MCM4: variants seen among roughly 807,000 people sequenced by gnomAD.
MCM4 encodes DNA replication licensing factor MCM4.
A neutral mutation model predicts 88.7 loss-of-function variants in MCM4; 60 were observed. That is an observed-to-expected ratio of 0.68 (90% CI 0.55 to 0.84). The LOEUF (loss-of-function observed/expected upper bound fraction) is 0.84, where lower values mean the gene tolerates loss of function less well. Ranked by LOEUF, MCM4 falls within the 40% of genes least tolerant of loss-of-function variation. The pLI is 0.00. For missense variants in MCM4, 1,149 were observed against 1,105.5 expected, an observed-to-expected ratio of 1.04 and a Z score of -0.56; for synonymous variants, 465 against 410.5, an observed-to-expected ratio of 1.13 and a Z score of -1.61.
chr8:47,966,352 C>T lies in MCM4; in HGVS notation c.998C>T (p.Thr333Ile). Reference protein sequence around the residue: ...AEPSVCGRCHTTHSMALIHNR... With the variant: ...AEPSVCGRCHITHSMALIHNR... The stretch of plus-strand genomic sequence containing the variant: ...CCCAGTGTGTGCGGGCGCTGCCACA[C>T]CACCCACAGCATGGCACTCATCCAC... Residue 333 changes from threonine to isoleucine, a missense_variant, in exon 9 of 17, where the codon ACC (threonine) becomes ATC (isoleucine). Coordinates refer to ENST00000649973, the MANE Select transcript of MCM4 (RefSeq NM_182746.3). 1 of 1,613,950 alleles carries T rather than the reference C, an allele frequency of 6.2e-7. No individual in the cohort carries two copies. The highest frequency in any genetic ancestry group is 8.5e-7 in the Non-Finnish European group (1 of 1,180,004).
At chr8:47,976,302 A>AG (rs2090999952) in intron 16 of MCM4, among the ~76,000 whole-genome samples, 1 of 152,022 alleles carries the variant, frequency 6.6e-6, no homozygotes, top group South Asian at 2.1e-4. Flanking sequence ...CAAAAAAAAA[A>AG]AAAAAGAAAA....
Position 47,975,806 on chromosome 8 carries a change from A to G in MCM4, c.2457A>G (p.Lys819=). 6.3e-7 allele frequency: 1 copy of G among 1,586,662 alleles called. No homozygotes were observed. The highest frequency in any genetic ancestry group is 8.5e-7 in the Non-Finnish European group (1 of 1,170,138). ...ILSKGKTPAL[K]YQQLFEDIRG... ...CTAAGGGCAAAACACCAGCTCTAAAATACCAGCAACTTTTTGAAGATATTC... is the reference window on the plus strand; with the variant it reads ...CTAAGGGCAAAACACCAGCTCTAAAGTACCAGCAACTTTTTGAAGATATTC... Residue 819 remains lysine (K), a synonymous_variant, in exon 16 of 17, where the codon AAA becomes AAG. Coordinates refer to ENST00000649973, the MANE Select transcript of MCM4 (RefSeq NM_182746.3).
rs1020610322 is a variant in MCM4, at chr8:47,971,358, G to C, written c.1818G>C (p.Gln606His). ...TCTGATAGGCTGGGATCATCTGTCA[G>C]CTCAATGCGCGCACCTCTGTCCTGG... The part of the protein sequence containing the change: ...LSIAKAGIIC[Q>H]LNARTSVLAA... The change falls in exon 13 of 17, where the codon CAG becomes CAC. Residue 606 changes from glutamine (Q) to histidine (H), a missense_variant. This residue lies in a region of MCM4 where 906 missense variants were observed against 843.0 expected (regional missense o/e 1.07). Transcript: ENST00000649973. The C allele has an allele frequency of 1.2e-6, 2 of 1,614,002 alleles. No homozygotes were observed. The highest frequency in any genetic ancestry group is 2.2e-5 in the South Asian group (2 of 91,084).
chr8:47,976,016 G>A (rs1284897755), intron 16 of MCM4, among the ~76,000 whole-genome samples, 168 bp downstream of exon 16: 1 of 152,074 alleles, frequency 6.6e-6, no homozygotes, highest in South Asian at 2.1e-4. Context: ...AAAATTTTTG[G>A]CTGGGTGCAG....
At chr8:47,964,105 C>G (rs998536376) in intron 7 of MCM4, among the ~76,000 whole-genome samples, 4 of 152,126 alleles carry the variant, frequency 2.6e-5, no homozygotes, top group Non-Finnish European at 5.9e-5. Context: ...TGCCTGTAAT[C>G]CCAGCTACTC....
At chr8:47,971,315 T>G (rs1001261937) in intron 12 of MCM4, 26 bp from the exon 13 acceptor site, 2 of 1,613,428 alleles carry the variant, frequency 1.2e-6, no homozygotes, top group Admixed American at 1.7e-5. Context: ...GGGAGAGGCT[T>G]CTAACTGCAC....
rs200805704 is a variant in MCM4, at chr8:47,974,734, G to A, written c.2137G>A (p.Ala713Thr). Reference sequence around the variant, plus strand: ...GCTTTTGTTTTTCTACCTACAATAGGCTTATGTAGACATGAGGAAGATTGG... The same window carrying A: ...GCTTTTGTTTTTCTACCTACAATAGACTTATGTAGACATGAGGAAGATTGG... ...SEEASQALIE[A>T]YVDMRKIGSS... Residue 713 changes from alanine (A) to threonine (T), a missense_variant and splice_region_variant, in exon 15 of 17, where the codon GCT becomes ACT. By Grantham distance (58) the Ala-to-Thr change is moderately conservative. Around this residue, in one of 3 missense-constraint regions of MCM4, gnomAD observed 238 missense variants for 241.6 expected, o/e 0.99. Transcript: ENST00000649973. 44 of 1,612,706 alleles carry A rather than the reference G, an allele frequency of 2.7e-5. No homozygotes were observed. In the Admixed American group the frequency reaches 5.7e-4, roughly 21 times the overall value.
chr8:47,961,362 G>A, intron 2 of MCM4, 148 bp downstream of exon 2: 1 of 1,494,556 alleles, frequency 6.7e-7, no homozygotes, highest in Non-Finnish European at 8.9e-7. Flanking sequence ...GACACCCACA[G>A]CAGGCTGTGG....
intron 11 of MCM4, 94 bp downstream of exon 11, chr8:47,970,151 A>G (rs1029725289): frequency 2.1e-6 from 3 of 1,432,436 alleles, no homozygotes; most frequent in African/African-American, 1.4e-5. Context: ...CATCCGCCAT[A>G]AAGGACAGAG....
At position 47,961,988 on chromosome 8, in the gene MCM4, A is replaced by G. The variant is rs1055451870; in HGVS notation, c.236-65A>G. 61 of 1,465,778 alleles carry G rather than the reference A, an allele frequency of 4.2e-5. No homozygotes were observed. The Middle Eastern group carries it at 7.3e-4, about 18-fold the overall frequency. The allele number at this position is 1,465,778 out of a possible 1,614,324, so 90.8% of individuals were successfully genotyped here. On this transcript the variant is annotated intron_variant, in intron 3 of 16. Coordinates refer to ENST00000649973, the MANE Select transcript of MCM4 (RefSeq NM_182746.3). ...TGTTGCGATTAGATGGTATAGATCA[A>G]CAGACAACATGCTGTAATTTCAGGT...
chr8:47,963,992 G>A (rs2090873411), intron 7 of MCM4, among the ~76,000 whole-genome samples: 1 of 152,196 alleles, frequency 6.6e-6, no homozygotes, highest in South Asian at 2.1e-4. Context: ...GGGAGGCCGA[G>A]GCAGGCAGAT....
chr8:47,971,590 TTTGG>T, intron 13 of MCM4, 122 bp downstream of exon 13: 2 of 1,122,866 alleles, frequency 1.8e-6, no homozygotes, highest in East Asian at 2.6e-5. Flanking sequence ...ATGTTTCAAA[TTTGG>T]TTGGTCAAGA....
intron 5 of MCM4, 62 bp from the exon 6 acceptor site, chr8:47,962,702 T>G: frequency 1.1e-6 from 1 of 899,890 alleles, no homozygotes; most frequent in Non-Finnish European, 1.8e-6. Context: ...ACTTTGTGTG[T>G]TTTTAGTAGT....
At chr8:47,972,726 G>C (rs1486857686) in intron 13 of MCM4, 131 bp from the exon 14 acceptor site, 5 of 635,468 alleles carry the variant, frequency 7.9e-6, no homozygotes, top group Non-Finnish European at 1.4e-5. Flanking sequence ...CTGGCTAATT[G>C]TTGCATTTTT....
At chr8:47,967,923 A>G (rs188607438) in intron 10 of MCM4, among the ~76,000 whole-genome samples, 6 of 152,328 alleles carry the variant, frequency 3.9e-5, no homozygotes, top group Non-Finnish European at 8.8e-5. Context: ...TGTATAGCCA[A>G]GGGTTAACAT....
chr8:47,977,445 A>G lies in MCM4; in HGVS notation c.*667A>G, dbSNP rs1245720704. 4.6e-5 allele frequency: 7 copies of G among 152,230 alleles called. No homozygotes were observed. The highest frequency in any genetic ancestry group is 7.2e-5 in the African/African-American group (3 of 41,436). The allele number at this position is 152,230 out of a possible 1,614,324, so 9.4% of individuals were successfully genotyped here. On this transcript the variant is annotated 3_prime_UTR_variant, in exon 17 of 17. Coordinates refer to ENST00000649973, the MANE Select transcript of MCM4 (RefSeq NM_182746.3). ...CATCAGTATGCTTATGGATTTGATG[A>G]CAGGCATAGCCTGGGCATATCACCT...
At chr8:47,970,207 T>A (rs2090939939) in intron 11 of MCM4, 150 bp downstream of exon 11, 1 of 927,346 alleles carries the variant, frequency 1.1e-6, no homozygotes, top group African/African-American at 1.7e-5. Flanking sequence ...TTGCCATTGG[T>A]TGAGAAGAAT....
chr8:47,961,002 C>A lies in MCM4; in HGVS notation c.-27C>A. On this transcript the variant is annotated 5_prime_UTR_variant, in exon 1 of 17. Coordinates refer to ENST00000649973, the MANE Select transcript of MCM4 (RefSeq NM_182746.3). ...GTCCGCGAGCGTCGTCGGCAAGCGGCCGCCTTTCCACGGTAACCGCGCGCC... is the reference window on the plus strand; with the variant it reads ...GTCCGCGAGCGTCGTCGGCAAGCGGACGCCTTTCCACGGTAACCGCGCGCC... The A allele has an allele frequency of 1.2e-6, 1 of 864,946 alleles. No individual in the cohort carries two copies. Among genetic ancestry groups the A allele is most frequent in the Non-Finnish European group, 1.6e-6 (1 of 610,990 alleles). 53.6% of individuals were successfully genotyped at this position (864,946 alleles called of 1,614,324 possible).
rs149232439 is a variant in MCM4, at chr8:47,966,202, T to C, written c.848T>C (p.Ile283Thr). The C allele has an allele frequency of 5.8e-4, 935 of 1,614,014 alleles. 3 individuals are homozygous for C. The highest frequency in any genetic ancestry group is 3.5e-3 in the Middle Eastern group (21 of 6,062). ...CCCCTCACAGACATTGACCAGCTCATCACCATCAGCGGCATGGTGATCAGG... is the reference window on the plus strand; with the variant it reads ...CCCCTCACAGACATTGACCAGCTCACCACCATCAGCGGCATGGTGATCAGG... ...NLNPEDIDQLITISGMVIRTS... is the reference protein window; with the variant it reads ...NLNPEDIDQLTTISGMVIRTS... Residue 283 changes from isoleucine (I) to threonine (T), a missense_variant, in exon 9 of 17, where the codon ATC becomes ACC. Ile to Thr is a moderately conservative substitution (Grantham distance 89, BLOSUM62 -1). This residue lies in a region of MCM4 where 906 missense variants were observed against 843.0 expected (regional missense o/e 1.07). Coordinates refer to ENST00000649973, the MANE Select transcript of MCM4 (RefSeq NM_182746.3).
Sources: gnomAD v4.1 joint callset for allele counts (sites outside exome capture counted in the v4.1 genomes callset) on GRCh38, gnomAD v4.1.1 for gene constraint, gnomAD v4.1.1 regional missense constraint, MANE v1.5 for transcripts, NCBI Gene and HGNC (gene_info 2026-07-23, HGNC 2026-07-21) for gene names.